CAST: variants seen among roughly 807,000 people sequenced by gnomAD.
CAST encodes the protein calpastatin, also known as MIR583 host.
A neutral mutation model predicts 119.6 loss-of-function variants in CAST; 76 were observed. The ratio of observed to expected loss-of-function variants is 0.64; its 90% confidence interval spans 0.53 to 0.77. CAST has a LOEUF of 0.77. CAST is among the 30% of genes least tolerant of loss of function. CAST has a pLI of 0.00. For synonymous variants in CAST, 319 were observed against 331.6 expected (o/e 0.96, Z 0.41); for missense variants, 953 against 946.5 (o/e 1.01, Z -0.09).
chr5:96,499,552 G>A, the CAST span, among the ~76,000 whole-genome samples: 104 of 152,320 alleles, frequency 6.8e-4, 1 homozygote, highest in South Asian at 0.011. Context: ...GATCAGGGTG[G>A]TGATTGCTGA....
At chr5:96,170,957 C>T in the CAST span, among the ~76,000 whole-genome samples, 6,732 of 151,878 alleles carry the variant, frequency 0.044, 380 homozygotes, top group African/African-American at 0.13. Flanking sequence ...CTCGGCCTGG[C>T]GAGGAGCAGC....
chr5:96,068,238 C>T, the CAST span, among the ~76,000 whole-genome samples: 1 of 152,132 alleles, frequency 6.6e-6, no homozygotes, highest in African/African-American at 2.4e-5. Flanking sequence ...ATTACCCTGT[C>T]TGAACCCTGG....
At chr5:96,632,174 G>A (rs1169019727) in intron 1 of CAST, among the ~76,000 whole-genome samples, 1 of 151,614 alleles carries the variant, frequency 6.6e-6, no homozygotes, top group Non-Finnish European at 1.5e-5. Context: ...TAAGTACTTT[G>A]CTGATTTTAA....
chr5:96,497,011 T>TC, the CAST span, among the ~76,000 whole-genome samples: 1 of 64,130 alleles, frequency 1.6e-5, no homozygotes, highest in South Asian at 7.2e-4. Context: ...CCCTCCCCCC[T>TC]CCCCCCACCC....
intron 16 of CAST, chr5:96,743,564 G>A: frequency 6.3e-7 from 1 of 1,581,140 alleles, no homozygotes; most frequent in Non-Finnish European, 8.6e-7. Context: ...TGAGTCATCA[G>A]GGAAGGGGAG....
the CAST span, among the ~76,000 whole-genome samples, chr5:96,346,189 G>A: frequency 6.6e-6 from 1 of 152,102 alleles, no homozygotes. Flanking sequence ...GTAGATAAAG[G>A]AATAAAAAAT....
the CAST span, among the ~76,000 whole-genome samples, chr5:96,508,327 A>G: frequency 1.2e-4 from 19 of 152,124 alleles, no homozygotes; most frequent in Admixed American, 1.0e-3. Context: ...TTCCTTCACA[A>G]TTGGATTGGC....
chr5:96,227,838 G>A, the CAST span, among the ~76,000 whole-genome samples: 2 of 152,152 alleles, frequency 1.3e-5, no homozygotes, highest in East Asian at 1.9e-4. Context: ...TCCCACACTC[G>A]CTTGTGTATC....
chr5:96,327,843 C>A, the CAST span, among the ~76,000 whole-genome samples: 14 of 152,204 alleles, frequency 9.2e-5, no homozygotes, highest in Non-Finnish European at 1.9e-4. Context: ...ATGAGGATAA[C>A]ACTCACTCTG....
At chr5:96,716,828 C>T (rs1267501591) in intron 3 of CAST, among the ~76,000 whole-genome samples, 1 of 152,136 alleles carries the variant, frequency 6.6e-6, no homozygotes, top group Admixed American at 6.5e-5. Flanking sequence ...ATTGCTCTAA[C>T]ATTTGGTATC....
chr5:96,728,975 A>G, intron 6 of CAST, 178 bp from the exon 7 acceptor site: 9 of 576,206 alleles, frequency 1.6e-5, no homozygotes, highest in South Asian at 2.2e-5. Context: ...CAGGGTTACT[A>G]TTGACCTGAT....
In CAST at chr5:96,593,201, G is replaced by A. The variant is rs1462351017; in HGVS notation, c.60+63321G>A. ...TAGTGTGCCTTGTGCCGTTGCACCTGCTGTCACCCTACGAACATGCTCTTC... is the reference window on the plus strand; with the variant it reads ...TAGTGTGCCTTGTGCCGTTGCACCTACTGTCACCCTACGAACATGCTCTTC... On this transcript the variant is annotated intron_variant, in intron 1 of 11. Coordinates refer to the CAST transcript ENST00000505143. Among the ~76,000 whole-genome samples, 23 of 152,234 alleles carry A rather than the reference G, an allele frequency of 1.5e-4. 1 individual carries two copies. The highest frequency in any genetic ancestry group is 1.5e-3 in the Admixed American group (23 of 15,282).
intron 1 of CAST, chr5:96,545,282 A>G (rs917443190): frequency 6.6e-6 from 1 of 152,212 alleles, no homozygotes; most frequent in African/African-American, 2.4e-5. Context: ...TATTCAGCAA[A>G]CCAAGCAAAC....
the CAST span, among the ~76,000 whole-genome samples, chr5:96,062,476 A>G: frequency 6.6e-6 from 1 of 152,110 alleles, no homozygotes; most frequent in Non-Finnish European, 1.5e-5. Flanking sequence ...CCATGTGAAG[A>G]ATTTGGGCTT....
At chr5:95,964,395 C>T in the CAST span, among the ~76,000 whole-genome samples, 11 of 152,092 alleles carry the variant, frequency 7.2e-5, no homozygotes, top group African/African-American at 2.2e-4. Flanking sequence ...GTATAACATG[C>T]GGTAGAGGAT....
the CAST span, among the ~76,000 whole-genome samples, chr5:96,442,830 C>T: frequency 3.9e-5 from 6 of 152,176 alleles, no homozygotes; most frequent in African/African-American, 1.4e-4. Context: ...TCTTTTTCTC[C>T]TCTTCTTCCT....
At chr5:96,065,700 T>C in the CAST span, among the ~76,000 whole-genome samples, 1,455 of 152,260 alleles carry the variant, frequency 9.6e-3, 30 homozygotes, top group African/African-American at 0.033. Context: ...CCTGTAGGCA[T>C]GGATCTTTTA....
intron 1 of CAST, among the ~76,000 whole-genome samples, chr5:96,540,166 AT>A (rs1489629786): frequency 1.3e-5 from 2 of 151,804 alleles, no homozygotes; most frequent in Non-Finnish European, 2.9e-5. Context: ...TGTTGTTTCT[AT>A]TTTTTTCTTT....
the CAST span, among the ~76,000 whole-genome samples, chr5:96,494,497 T>C: frequency 7.9e-4 from 120 of 152,294 alleles, no homozygotes; most frequent in African/African-American, 2.9e-3. Context: ...AAGAATATTG[T>C]ACACAAAGAC....
Sources: allele counts gnomAD v4.1 joint callset (sites outside exome capture counted in the v4.1 genomes callset), GRCh38; gene constraint gnomAD v4.1.1; transcripts MANE v1.5; gene names NCBI Gene and HGNC (gene_info 2026-07-23, HGNC 2026-07-21).